Variants in STRN4 observed in about 807,000 individuals in gnomAD.
STRN4 encodes striatin-4.
In STRN4, 27 loss-of-function variants were observed where a neutral mutation model predicts 77.9. The ratio of observed to expected loss-of-function variants is 0.35; its 90% CI spans 0.26 to 0.48. The LOEUF is 0.48. Ranked by LOEUF, STRN4 falls within the 20% of genes least tolerant of loss-of-function variation. The pLI is 0.99. For missense variants in STRN4, 798 were observed against 1,049.7 expected, an observed-to-expected ratio of 0.76 and a Z score of 3.31; for synonymous variants, 466 against 443.1, an observed-to-expected ratio of 1.05 and a Z score of -0.65.
Position 46,733,145 on chromosome 19 carries a change from C to T in STRN4, c.631G>A (p.Gly211Arg), listed in dbSNP as rs766175900. Residue 211 changes from glycine (G) to arginine (R), a missense_variant, in exon 5 of 18, where the codon GGG (glycine) becomes AGG (arginine). Physicochemically the swap from Gly to Arg is moderately radical, Grantham distance 125. Transcript: ENST00000263280. The surrounding 1 kb of genome is among the most constrained non-coding windows in gnomAD (Gnocchi z 4.3). ...SLLGRSLELN[G>R]AVEPSEGAPR... ...GCCCCTTCACTCGGCTCCACTGCCCCGTTGAGCTCCAGCGAGCGGCCCAGC... is the reference window on the plus strand; with the variant it reads ...GCCCCTTCACTCGGCTCCACTGCCCTGTTGAGCTCCAGCGAGCGGCCCAGC... The T allele has an allele frequency of 1.7e-5, 28 of 1,612,302 alleles. No homozygotes were observed. The highest frequency in any genetic ancestry group is 2.7e-5 in the African/African-American group (2 of 74,938).
chr19:46,733,310 C>T lies in STRN4; in HGVS notation c.540-74G>A, dbSNP rs577261772. The T allele has an allele frequency of 1.1e-4, 165 of 1,466,818 alleles. No individual in the cohort carries two copies. The African/African-American group carries it at 1.6e-3, about 15-fold the overall frequency. 90.9% of individuals were successfully genotyped at this position (1,466,818 alleles called of 1,614,324 possible). On this transcript the variant is annotated intron_variant, in intron 4 of 17. Coordinates refer to ENST00000263280, the MANE Select transcript of STRN4 (RefSeq NM_013403.3). The surrounding 1 kb of genome is among the most constrained non-coding windows in gnomAD (Gnocchi z 4.3). ...ATGTACCACAGGGGCCAATGCAAAC[C>T]GAGACAACCTCTTAAGGGGCCACTT...
At chr19:46,728,123 G>T (rs2054164298) in intron 7 of STRN4, 116 bp from the exon 8 acceptor site, 3 of 977,816 alleles carry the variant, frequency 3.1e-6, no homozygotes, top group Non-Finnish European at 1.6e-6. Context: ...GTGAAGCTCT[G>T]GCCCTGGGGG....
intron 6 of STRN4, 40 bp downstream of exon 6, chr19:46,730,692 A>C (rs2054227841): frequency 6.2e-7 from 1 of 1,606,994 alleles, no homozygotes; most frequent in East Asian, 2.2e-5. Flanking sequence ...ATCAGGTCAC[A>C]CCCAGGCCAG....
At chr19:46,731,628 G>A (rs160544) in intron 5 of STRN4, 15,309 of 152,426 alleles carry the variant, frequency 0.1, 925 homozygotes, top group Non-Finnish European at 0.13. Context: ...CCTCACGGCT[G>A]CCATCACCAG....
chr19:46,738,722 G>A lies in STRN4; in HGVS notation c.386+63C>T, dbSNP rs894780208. The A allele has an allele frequency of 3.7e-5, 56 of 1,514,188 alleles. No individual in the cohort carries two copies. The highest frequency in any genetic ancestry group is 3.9e-4 in the Middle Eastern group (2 of 5,128). 93.8% of individuals were successfully genotyped at this position (1,514,188 alleles called of 1,614,324 possible). On this transcript the variant is annotated intron_variant, in intron 2 of 17. Transcript: ENST00000263280. The surrounding 1 kb of genome is among the most constrained non-coding windows in gnomAD (Gnocchi z 4.5). ...TAGCTGGAAGGAGGCGTGGCTGGTG[G>A]CCTCCTGACACTGTGCTTGAGACGG...
chr19:46,720,955 ACAGTC>A, intron 16 of STRN4, 184 bp from the exon 17 acceptor site: 1 of 548,472 alleles, frequency 1.8e-6, no homozygotes, highest in Non-Finnish European at 2.9e-6. Context: ...CCTCCTGTCC[ACAGTC>A]CATCTCATCC....
At chr19:46,746,115 G>C (rs779977307) in intron 1 of STRN4, 34 bp downstream of exon 1, 20 of 1,466,668 alleles carry the variant, frequency 1.4e-5, no homozygotes, top group Middle Eastern at 1.9e-4. Flanking sequence ...GGCCGGGCCG[G>C]GTTGGGGGTC....
intron 14 of STRN4, 36 bp downstream of exon 14, chr19:46,722,773 TG>T (rs2054010788): frequency 6.2e-7 from 1 of 1,609,768 alleles, no homozygotes; most frequent in Non-Finnish European, 8.5e-7. Flanking sequence ...CAGAAGACAC[TG>T]AGACCAATTC....
At chr19:46,724,472 C>T (rs143572636) in intron 12 of STRN4, among the ~76,000 whole-genome samples, 5 of 152,346 alleles carry the variant, frequency 3.3e-5, no homozygotes, top group African/African-American at 4.8e-5. Flanking sequence ...ACAGAGTACA[C>T]GGCATGGCAG....
intron 3 of STRN4, among the ~76,000 whole-genome samples, chr19:46,737,871 C>T (rs74674570): frequency 0.013 from 1,964 of 152,284 alleles, 31 homozygotes; most frequent in African/African-American, 0.044. Context: ...GTCCCCAGCA[C>T]TCTATAAATA....
At position 46,720,337 on chromosome 19, in the gene STRN4, C is replaced by T. The variant is rs901065043; in HGVS notation, c.*68G>A. On this transcript the variant is annotated splice_region_variant and 3_prime_UTR_variant, in exon 18 of 18. Transcript: ENST00000263280. ...TGCACCTCCAGCGAGGCTGGGAGTC[C>T]CCTGCGGGAAAGAGAAGGGAGGGGA... 14 of 358,234 alleles carry T rather than the reference C, an allele frequency of 3.9e-5. No homozygotes were observed. Among genetic ancestry groups the T allele is most frequent in the Non-Finnish European group, 4.0e-5 (8 of 200,634 alleles). 22.2% of individuals were successfully genotyped at this position (358,234 alleles called of 1,614,324 possible). A position where few individuals can be genotyped will look rare whatever the true frequency, so the allele number is the denominator to read the frequency against.
At position 46,723,482 on chromosome 19, in the gene STRN4, A is replaced by G. The variant is rs2054030992; in HGVS notation, c.1595-198T>C. Reference sequence around the variant, plus strand: ...GCTCACACTGCCCACTAGCTCTCCAAGGAAGGTTCTAGGGCTCCAGAAGGC... The same window carrying G: ...GCTCACACTGCCCACTAGCTCTCCAGGGAAGGTTCTAGGGCTCCAGAAGGC... On this transcript the variant is annotated intron_variant, in intron 12 of 17. Transcript: ENST00000263280. This position sits in a 1 kb window ranked among gnomAD's most constrained non-coding sequence, Gnocchi z 5.5. 6.6e-6 allele frequency among the ~76,000 whole-genome samples: 1 copy of G among 152,160 alleles called. No individual in the cohort carries two copies. Among genetic ancestry groups the G allele is most frequent in the Non-Finnish European group, 1.5e-5 (1 of 68,016 alleles).
chr19:46,743,875 C>T (rs2054518866), intron 1 of STRN4, among the ~76,000 whole-genome samples: 1 of 147,040 alleles, frequency 6.8e-6, no homozygotes, highest in African/African-American at 2.4e-5. Context: ...TGCACTCCAC[C>T]CTGGGTGACA....
At chr19:46,725,210 G>A in intron 11 of STRN4, 122 bp downstream of exon 11, 1 of 1,359,626 alleles carries the variant, frequency 7.4e-7, no homozygotes, top group Non-Finnish European at 1.0e-6. Flanking sequence ...GAAGGGGGCG[G>A]GGACTCAGAG....
chr19:46,731,211 G>A (rs947232059), intron 5 of STRN4, among the ~76,000 whole-genome samples: 1 of 152,232 alleles, frequency 6.6e-6, no homozygotes, highest in African/African-American at 2.4e-5. Context: ...CACTGACTCA[G>A]CAGTCCCCAT....
Position 46,734,046 on chromosome 19 carries a change from G to C in STRN4, c.540-810C>G, listed in dbSNP as rs142791918. On this transcript the variant is annotated intron_variant, in intron 4 of 17. Transcript: ENST00000263280. ...CTCTGACCCTGTCTCTTGAATGTTA[G>C]GCTGCACGCACCTGCATGTACGTCT... 3.8e-3 allele frequency among the ~76,000 whole-genome samples: 572 copies of C among 152,284 alleles called. 4 individuals carry two copies. Among genetic ancestry groups the C allele is most frequent in the South Asian group, 9.1e-3 (44 of 4,824 alleles).
chr19:46,725,981 A>C, intron 9 of STRN4: 1 of 257,394 alleles, frequency 3.9e-6, no homozygotes. Context: ...AGGGCAATGA[A>C]TTAAAGATGC....
At chr19:46,746,114 G>T in intron 1 of STRN4, 35 bp downstream of exon 1, 1 of 1,458,936 alleles carries the variant, frequency 6.9e-7, no homozygotes, top group Non-Finnish European at 9.0e-7. Flanking sequence ...GGGCCGGGCC[G>T]GGTTGGGGGT....
At chr19:46,724,285 CA>C (rs1488842863) in intron 12 of STRN4, among the ~76,000 whole-genome samples, 1 of 115,932 alleles carries the variant, frequency 8.6e-6, no homozygotes, top group Non-Finnish European at 1.7e-5. Flanking sequence ...AGGCAGAGAA[CA>C]GGGGGACAGA....
Sources: gnomAD v4.1 joint callset for allele counts (sites outside exome capture counted in the v4.1 genomes callset) on GRCh38, gnomAD v4.1.1 for gene constraint, Gnocchi (gnomAD v3.1) non-coding constraint, MANE v1.5 for transcripts, NCBI Gene and HGNC (gene_info 2026-07-23, HGNC 2026-07-21) for gene names.